Variants in STAU1 observed in about 807,000 individuals in gnomAD.
STAU1 encodes staufen double-stranded RNA binding protein 1.
Under a neutral mutation model 62.9 loss-of-function variants are expected in STAU1, and 13 were observed. That is an observed-to-expected ratio of 0.21 (90% CI 0.13 to 0.33). The LOEUF (loss-of-function observed/expected upper bound fraction) is 0.33, where lower values mean the gene tolerates loss of function less well. Ranked by LOEUF, STAU1 falls within the 10% of genes least tolerant of loss-of-function variation. STAU1 has a pLI of 1.00. For missense variants in STAU1, 571 were observed against 712.1 expected (o/e 0.80, Z 2.25); for synonymous variants, 269 against 265.1 (o/e 1.01, Z -0.14).
At chr20:49,139,439 A>T (rs923787391) in intron 5 of STAU1, among the ~76,000 whole-genome samples, 1 of 152,180 alleles carries the variant, frequency 6.6e-6, no homozygotes, top group Non-Finnish European at 1.5e-5. Context: ...AAATACAAAT[A>T]GTCGGCTGGG....
chr20:49,131,860 A>G (rs2092758095), intron 6 of STAU1, among the ~76,000 whole-genome samples: 1 of 151,724 alleles, frequency 6.6e-6, no homozygotes. Context: ...AAAAAAACAA[A>G]AGGAAGGAAG....
intron 4 of STAU1, among the ~76,000 whole-genome samples, chr20:49,153,396 A>T (rs1242715103): frequency 2.2e-5 from 3 of 133,740 alleles, no homozygotes; most frequent in Non-Finnish European, 3.3e-5. Context: ...CCCTGTCTCA[A>T]TGAATTAAAA....
intron 6 of STAU1, among the ~76,000 whole-genome samples, chr20:49,131,291 T>C (rs1025328115): frequency 6.6e-6 from 1 of 152,214 alleles, no homozygotes; most frequent in African/African-American, 2.4e-5. Flanking sequence ...CATCAGACAC[T>C]AGAGCGGAAG....
intron 6 of STAU1, among the ~76,000 whole-genome samples, chr20:49,126,867 G>T (rs969996752): frequency 1.3e-5 from 2 of 150,822 alleles, no homozygotes; most frequent in African/African-American, 4.9e-5. Context: ...GGAGCGGGGT[G>T]GGGGGAAGAA....
the STAU1 span, among the ~76,000 whole-genome samples, chr20:49,204,617 TATATATGTGTATATATATATATATATA>T: frequency 4.7e-5 from 2 of 42,850 alleles, no homozygotes; most frequent in African/African-American, 5.7e-5. Flanking sequence ...TATATATATA[TATATATGTGTATATATATATATATATA>T]TATTTTTTTT....
the STAU1 span, among the ~76,000 whole-genome samples, chr20:49,197,269 A>G: frequency 6.6e-6 from 1 of 151,720 alleles, no homozygotes; most frequent in African/African-American, 2.4e-5. Flanking sequence ...TAAGAAAAAA[A>G]AAAAAAACGA....
At chr20:49,193,021 T>C (rs1466572228), upstream of STAU1, among the ~76,000 whole-genome samples, 1 of 152,102 alleles carries the variant, frequency 6.6e-6, no homozygotes, top group Non-Finnish European at 1.5e-5. Flanking sequence ...AGTTCCACAA[T>C]CAATGGAAGA....
At chr20:49,162,792 G>A (rs2093469287) in intron 3 of STAU1, among the ~76,000 whole-genome samples, 1 of 149,864 alleles carries the variant, frequency 6.7e-6, no homozygotes, top group African/African-American at 2.5e-5. Flanking sequence ...AAAAAAAACA[G>A]ATTTATAAAG....
chr20:49,208,200 C>T, the STAU1 span, among the ~76,000 whole-genome samples: 2 of 152,238 alleles, frequency 1.3e-5, no homozygotes, highest in East Asian at 1.9e-4. Context: ...GCTGGGACTA[C>T]AGGCATATAC....
chr20:49,158,325 G>A (rs556670709), intron 3 of STAU1: 7 of 706,074 alleles, frequency 9.9e-6, no homozygotes, highest in African/African-American at 9.5e-5. Flanking sequence ...TTCTTCTGAT[G>A]TAATCACTGA....
chr20:49,191,115 C>T (rs1365651312), upstream of STAU1, among the ~76,000 whole-genome samples: 3 of 151,872 alleles, frequency 2.0e-5, no homozygotes, highest in Non-Finnish European at 4.4e-5. Context: ...GCAACCTCCA[C>T]CTCCCGGGCT....
At chr20:49,151,824 T>C (rs2093256467) in intron 4 of STAU1, 77 bp from the exon 5 acceptor site, 2 of 1,310,480 alleles carry the variant, frequency 1.5e-6, no homozygotes, top group East Asian at 5.1e-5. Context: ...CAAATGCAAG[T>C]ATTTCCTTCA....
rs539736993 is a variant in STAU1, at chr20:49,145,968, T to G, written c.510+5614A>C. On this transcript the variant is annotated intron_variant, in intron 5 of 13. Transcript: ENST00000371856. ...ATGAACACTGAGGAAACAAGAAGGG[T>G]TAAAGTCTCCAATTTCAGGCCAGGC... Among the ~76,000 whole-genome samples, 5 of 151,624 alleles carry G rather than the reference T, an allele frequency of 3.3e-5. No individual in the cohort carries two copies. In the South Asian group the frequency reaches 1.0e-3, roughly 32 times the overall value.
intron 6 of STAU1, among the ~76,000 whole-genome samples, chr20:49,130,767 G>A (rs932225257): frequency 1.3e-5 from 2 of 152,108 alleles, no homozygotes; most frequent in African/African-American, 4.8e-5. Context: ...GGTGGGTGTG[G>A]TGGCTCACGC....
chr20:49,205,033 T>C, the STAU1 span, among the ~76,000 whole-genome samples: 3 of 152,062 alleles, frequency 2.0e-5, no homozygotes, highest in Non-Finnish European at 2.9e-5. Context: ...TCAAGGGTAA[T>C]TGAGGAGAGA....
chr20:49,180,721 T>G (rs149879061), intron 1 of STAU1, among the ~76,000 whole-genome samples: 1 of 152,280 alleles, frequency 6.6e-6, no homozygotes, highest in African/African-American at 2.4e-5. Context: ...CACACAAACC[T>G]GTGGATCAGC....
In STAU1 at chr20:49,114,890, A is replaced by G. The variant is rs761038652; in HGVS notation, c.1722T>C (p.Cys574=). Residue 574 remains cysteine, a synonymous_variant, in exon 14 of 14, where the codon TGT becomes TGC. Transcript: ENST00000371856. ...PRTGNGPMSV[C]GRC is the part of the protein sequence containing the mutation. ...GGCCAGAAAAGGTTCAGCACCTCCC[A>G]CACCTTTAAGGAAGAAAAATGAAAA... is the stretch of plus-strand genomic sequence containing the variant. 1.2e-6 allele frequency: 2 copies of G among 1,613,484 alleles called. No homozygotes were observed. Among genetic ancestry groups the G allele is most frequent in the East Asian group, 2.2e-5 (1 of 44,890 alleles).
chr20:49,115,966 A>T, intron 12 of STAU1, 99 bp from the exon 13 acceptor site: 1 of 871,918 alleles, frequency 1.1e-6, no homozygotes, highest in Middle Eastern at 2.3e-4. Flanking sequence ...CTGCCCAGCA[A>T]ACAGGTGGCA....
the STAU1 span, among the ~76,000 whole-genome samples, chr20:49,193,433 G>A: frequency 1.3e-5 from 2 of 152,142 alleles, no homozygotes; most frequent in African/African-American, 4.8e-5. Context: ...AGTTCTTTGG[G>A]AGGCCAATGC....
Sources: gnomAD v4.1 joint callset for allele counts (sites outside exome capture counted in the v4.1 genomes callset) on GRCh38, gnomAD v4.1.1 for gene constraint, MANE v1.5 for transcripts, NCBI Gene and HGNC (gene_info 2026-07-23, HGNC 2026-07-21) for gene names.